MGMT: variants seen among roughly 807,000 people sequenced by gnomAD.
MGMT encodes methylated-DNA--protein-cysteine methyltransferase.
In MGMT, 14 loss-of-function variants were observed where a neutral mutation model predicts 15.9. That is an observed-to-expected ratio of 0.88 (90% CI 0.58 to 1.37). The LOEUF (loss-of-function observed/expected upper bound fraction) is 1.37, where lower values mean the gene tolerates loss of function less well. Among genes scored for constraint, MGMT ranks in the 40% most tolerant of loss-of-function variants. The probability of loss-of-function intolerance (pLI) is 0.00; values close to 1 mark genes in which losing one functional copy is unlikely to be tolerated. For synonymous variants in MGMT, 130 were observed against 118.2 expected, an observed-to-expected ratio of 1.10 and a Z score of -0.65; for missense variants, 282 against 268.1, an observed-to-expected ratio of 1.05 and a Z score of -0.36.
intron 2 of MGMT, among the ~76,000 whole-genome samples, chr10:129,542,543 T>C (rs529554104): frequency 1.7e-4 from 26 of 152,208 alleles, no homozygotes; most frequent in Middle Eastern, 6.8e-3. Flanking sequence ...AAAAACGCGC[T>C]CTGTAGGACT....
chr10:129,583,634 C>A (rs894698212), intron 2 of MGMT, among the ~76,000 whole-genome samples: 2 of 152,194 alleles, frequency 1.3e-5, no homozygotes, highest in African/African-American at 2.4e-5. Context: ...CTGATACATC[C>A]CCCTTGCCTG....
intron 2 of MGMT, among the ~76,000 whole-genome samples, chr10:129,591,032 G>A (rs1846678215): frequency 6.6e-6 from 1 of 152,176 alleles, no homozygotes; most frequent in African/African-American, 2.4e-5. Context: ...TTGGCCAAAC[G>A]CAGTGTGTTT....
At chr10:129,674,599 C>T (rs1466382010) in intron 2 of MGMT, among the ~76,000 whole-genome samples, 1 of 152,232 alleles carries the variant, frequency 6.6e-6, no homozygotes, top group African/African-American at 2.4e-5. Context: ...CAAGTGCAGT[C>T]CTGGAAGGTG....
intron 2 of MGMT, among the ~76,000 whole-genome samples, chr10:129,545,586 A>G (rs1390683601): frequency 6.6e-6 from 1 of 152,166 alleles, no homozygotes; most frequent in Admixed American, 6.5e-5. Context: ...ACCCAGGGCC[A>G]CGTCTGTGGA....
intron 2 of MGMT, among the ~76,000 whole-genome samples, chr10:129,680,307 T>C (rs1473633303): frequency 2.0e-5 from 3 of 152,228 alleles, no homozygotes; most frequent in African/African-American, 7.2e-5. Flanking sequence ...AGATTTTATT[T>C]CGCGGGCATG....
chr10:129,518,835 T>G (rs991213464), intron 1 of MGMT, among the ~76,000 whole-genome samples: 1 of 151,634 alleles, frequency 6.6e-6, no homozygotes, highest in Non-Finnish European at 1.5e-5. Flanking sequence ...GTTATGTGGA[T>G]TTTTGACTGT....
At chr10:129,641,140 G>A (rs564126646) in intron 2 of MGMT, among the ~76,000 whole-genome samples, 167 of 152,178 alleles carry the variant, frequency 1.1e-3, no homozygotes, top group African/African-American at 3.3e-3. Context: ...ACAAAACTAC[G>A]CAACATACAA....
intron 3 of MGMT, among the ~76,000 whole-genome samples, chr10:129,750,766 G>T (rs1449173483): frequency 6.6e-6 from 1 of 152,110 alleles, no homozygotes; most frequent in Non-Finnish European, 1.5e-5. Context: ...ACCAAGGAAT[G>T]ACTGTATATC....
At chr10:129,565,754 C>T (rs894843725) in intron 2 of MGMT, among the ~76,000 whole-genome samples, 3 of 152,090 alleles carry the variant, frequency 2.0e-5, no homozygotes, top group Admixed American at 6.5e-5. Context: ...CCCGTCTCCC[C>T]GTGGATTAGC....
At chr10:129,524,986 G>A (rs1391995268) in intron 1 of MGMT, among the ~76,000 whole-genome samples, 1 of 152,130 alleles carries the variant, frequency 6.6e-6, no homozygotes, top group Non-Finnish European at 1.5e-5. Context: ...CTGTCGGAAT[G>A]GATATGGGAG....
chr10:129,584,851 G>A (rs1234286183), intron 2 of MGMT, among the ~76,000 whole-genome samples: 1 of 152,194 alleles, frequency 6.6e-6, no homozygotes, highest in Non-Finnish European at 1.5e-5. Flanking sequence ...ATCCCATCAT[G>A]TGGATGAACC....
chr10:129,606,264 C>T (rs577227), intron 2 of MGMT, among the ~76,000 whole-genome samples: 63,263 of 152,080 alleles, frequency 0.42, 14,047 homozygotes, highest in East Asian at 0.61. Flanking sequence ...GCACATCCTG[C>T]CTGCCTGCCT....
At position 129,575,392 on chromosome 10, in the gene MGMT, G is replaced by A. The variant is rs533311304; in HGVS notation, c.125+39015G>A. Among the ~76,000 whole-genome samples, 378 of 148,256 alleles carry A rather than the reference G, an allele frequency of 2.5e-3. 1 individual carries two copies. The highest frequency in any genetic ancestry group is 8.8e-3 in the African/African-American group (357 of 40,362). On this transcript the variant is annotated intron_variant, in intron 2 of 4. Coordinates refer to ENST00000651593, the MANE Select transcript of MGMT (RefSeq NM_002412.5). ...AGGATTAAGAATCTCACTCAAAACC[G>A]CTCAACTACATGGAAACTGAACAAC... is the stretch of plus-strand genomic sequence containing the variant.
In MGMT at chr10:129,566,607, A is replaced by G. The variant is rs1377355657; in HGVS notation, c.125+30230A>G. Among the ~76,000 whole-genome samples, 1 of 151,896 alleles carries G rather than the reference A, an allele frequency of 6.6e-6. No homozygotes were observed. Among genetic ancestry groups the G allele is most frequent in the Non-Finnish European group, 1.5e-5 (1 of 67,984 alleles). On this transcript the variant is annotated intron_variant, in intron 2 of 4. Coordinates refer to ENST00000651593, the MANE Select transcript of MGMT (RefSeq NM_002412.5). The surrounding 1 kb of genome is among the most constrained non-coding windows in gnomAD (Gnocchi z 4.1). The stretch of plus-strand genomic sequence containing the variant: ...GGACCACAGCAGCCCTCGCATTCCT[A>G]CACATACCCCTTTGCCCGTGGGATT...
intron 1 of MGMT, among the ~76,000 whole-genome samples, chr10:129,513,594 G>A (rs7903089): frequency 0.15 from 23,512 of 151,946 alleles, 2,551 homozygotes; most frequent in African/African-American, 0.3. Flanking sequence ...GTGACCCCGC[G>A]GCTCCTCTTC....
intron 1 of MGMT, among the ~76,000 whole-genome samples, chr10:129,476,000 G>A (rs568715628): frequency 8.4e-4 from 127 of 150,808 alleles, no homozygotes; most frequent in African/African-American, 2.9e-3. Flanking sequence ...GCTAAAATGG[G>A]GATGTCCCAG....
chr10:129,689,930 T>C (rs1847951174), intron 2 of MGMT, among the ~76,000 whole-genome samples: 1 of 152,208 alleles, frequency 6.6e-6, no homozygotes, highest in African/African-American at 2.4e-5. Flanking sequence ...GAGTTGGCCA[T>C]GTAGATGGCA....
chr10:129,524,077 TG>T (rs1177151624), intron 1 of MGMT, among the ~76,000 whole-genome samples: 1 of 152,208 alleles, frequency 6.6e-6, no homozygotes, highest in African/African-American at 2.4e-5. Context: ...TGTGTCCTGA[TG>T]ACCTGGGAGT....
At chr10:129,605,682 A>G (rs962455703) in intron 2 of MGMT, among the ~76,000 whole-genome samples, 6 of 152,190 alleles carry the variant, frequency 3.9e-5, no homozygotes, top group Non-Finnish European at 5.9e-5. Flanking sequence ...CTTGAATTTG[A>G]TAAGTTCATT....
Sources: gnomAD v4.1 joint callset for allele counts (sites outside exome capture counted in the v4.1 genomes callset) on GRCh38, gnomAD v4.1.1 for gene constraint, Gnocchi (gnomAD v3.1) non-coding constraint, MANE v1.5 for transcripts, NCBI Gene and HGNC (gene_info 2026-07-23, HGNC 2026-07-21) for gene names.